ZNF503: variants seen among roughly 807,000 people sequenced by gnomAD.
ZNF503 encodes zinc finger protein 503.
In ZNF503, 15 loss-of-function variants were observed where a neutral mutation model predicts 34.4. That is an observed-to-expected ratio of 0.44 (90% CI 0.29 to 0.67). ZNF503 has a LOEUF of 0.67. Among genes scored for constraint, ZNF503 ranks in the 30% least tolerant of loss-of-function variants. ZNF503 has a pLI of 0.13. For missense variants in ZNF503, 1,007 were observed against 926.8 expected (o/e 1.09, Z -1.12); for synonymous variants, 580 against 456.8 (o/e 1.27, Z -3.44).
At chr10:75,390,048 C>T in the ZNF503 span, among the ~76,000 whole-genome samples, 1 of 151,996 alleles carries the variant, frequency 6.6e-6, no homozygotes, top group Non-Finnish European at 1.5e-5. Flanking sequence ...ACCCCCCCAC[C>T]ACGCCCGGCT....
chr10:75,308,206 T>TTTG, the ZNF503 span, among the ~76,000 whole-genome samples: 1 of 151,750 alleles, frequency 6.6e-6, no homozygotes, highest in African/African-American at 2.4e-5. Flanking sequence ...TTTTTTTTTT[T>TTTG]TTTTTGCCTT....
rs918858464 is a variant in ZNF503 at position 75,401,582 on chromosome 10, C to A, written c.-163G>T. On this transcript the variant is annotated 5_prime_UTR_variant, in exon 1 of 2. Coordinates refer to ENST00000372524, the MANE Select transcript of ZNF503 (RefSeq NM_032772.6). ...CGCCTTCTCGGCGCCTGGAGCCAGACGCGAGTAATCCTGGGTGGCCCGCAG... is the reference window on the plus strand; with the variant it reads ...CGCCTTCTCGGCGCCTGGAGCCAGAAGCGAGTAATCCTGGGTGGCCCGCAG... 1.4e-4 allele frequency: 114 copies of A among 809,564 alleles called. No individual in the cohort carries two copies. In the East Asian group the frequency reaches 3.6e-3, roughly 25 times the overall value. The allele number at this position is 809,564 out of a possible 1,614,324, so 50.1% of individuals were successfully genotyped here.
At position 75,399,964 on chromosome 10, in the gene ZNF503, C is replaced by G. The variant is rs1459176025; in HGVS notation, c.726G>C (p.Leu242=). Residue 242 remains leucine, a synonymous_variant, in exon 2 of 2, where the codon CTG becomes CTC. Coordinates refer to ENST00000372524, the MANE Select transcript of ZNF503 (RefSeq NM_032772.6). ...CCTCCGGGGCACCCCCGGCCGAGGA[C>G]AGCATACCTCCCGGCGAGCAGGCCG... is the stretch of plus-strand genomic sequence containing the variant. ...SASACSPGGM[L]SSAGGAPEGK... is the part of the protein sequence containing the mutation. The G allele has an allele frequency of 6.2e-7, 1 of 1,606,724 alleles. No homozygotes were observed. The highest frequency in any genetic ancestry group is 8.5e-7 in the Non-Finnish European group (1 of 1,179,522).
the ZNF503 span, among the ~76,000 whole-genome samples, chr10:75,377,918 C>T: frequency 6.6e-6 from 1 of 152,090 alleles, no homozygotes; most frequent in African/African-American, 2.4e-5. Context: ...CTGGGGAGGC[C>T]TCAGGAAACT....
At chr10:75,388,996 A>G in the ZNF503 span, among the ~76,000 whole-genome samples, 1 of 152,232 alleles carries the variant, frequency 6.6e-6, no homozygotes, top group Admixed American at 6.5e-5. Context: ...AATTGTCAAA[A>G]AAAGGTTGAG....
the ZNF503 span, among the ~76,000 whole-genome samples, chr10:75,299,639 T>C: frequency 3.7e-3 from 556 of 152,326 alleles, 2 homozygotes; most frequent in Non-Finnish European, 6.6e-3. Context: ...TAGGTTCTTT[T>C]CTATTTTCCC....
chr10:75,295,967 A>G, the ZNF503 span, among the ~76,000 whole-genome samples: 1 of 152,212 alleles, frequency 6.6e-6, no homozygotes, highest in Non-Finnish European at 1.5e-5. This position sits in a 1 kb window ranked among gnomAD's most constrained non-coding sequence, Gnocchi z 4.0. Context: ...GGGCTTGGCT[A>G]TAACTCTACA....
the ZNF503 span, among the ~76,000 whole-genome samples, chr10:75,339,447 G>C: frequency 1.3e-5 from 2 of 152,188 alleles, no homozygotes; most frequent in African/African-American, 4.8e-5. Flanking sequence ...AGATGGGAGA[G>C]CCTCCAAAAC....
chr10:75,401,669 G>C lies in ZNF503; in HGVS notation c.-250C>G. 6.1e-6 allele frequency: 3 copies of C among 494,790 alleles called. No homozygotes were observed. Among genetic ancestry groups the C allele is most frequent in the Non-Finnish European group, 1.0e-5 (3 of 286,506 alleles). The allele number at this position is 494,790 out of a possible 1,614,324, so 30.6% of individuals were successfully genotyped here. A position where few individuals can be genotyped will look rare whatever the true frequency, so the allele number is the denominator to read the frequency against. ...GCGGGAGTGCCGGGCGGCTCGCGGT[G>C]TCCGCCTCGGGCTGCTCCCCTGCGC... On this transcript the variant is annotated 5_prime_UTR_variant, in exon 1 of 2. Coordinates refer to ENST00000372524, the MANE Select transcript of ZNF503 (RefSeq NM_032772.6).
the ZNF503 span, among the ~76,000 whole-genome samples, chr10:75,392,381 T>C: frequency 2.6e-5 from 4 of 152,174 alleles, no homozygotes; most frequent in Non-Finnish European, 5.9e-5. Flanking sequence ...GACCTTTATA[T>C]CTTTACCCTC....
At chr10:75,284,524 C>T in the ZNF503 span, among the ~76,000 whole-genome samples, 2 of 152,112 alleles carry the variant, frequency 1.3e-5, no homozygotes, top group South Asian at 2.1e-4. Flanking sequence ...CTACCCAGGT[C>T]CAGAACCTTC....
chr10:75,396,647 C>T (rs1218544548), downstream of ZNF503, among the ~76,000 whole-genome samples: 2 of 152,110 alleles, frequency 1.3e-5, no homozygotes, highest in East Asian at 1.9e-4. The surrounding 1 kb of genome is among the most constrained non-coding windows in gnomAD (Gnocchi z 4.4). Context: ...GAGGGGATCC[C>T]GAGACTCGGA....
chr10:75,348,946 C>T, the ZNF503 span, among the ~76,000 whole-genome samples: 1 of 152,012 alleles, frequency 6.6e-6, no homozygotes, highest in Non-Finnish European at 1.5e-5. Flanking sequence ...CAGTCGTTAA[C>T]GTTTTGCTAT....
chr10:75,320,311 G>A, the ZNF503 span, among the ~76,000 whole-genome samples: 10 of 150,964 alleles, frequency 6.6e-5, no homozygotes, highest in African/African-American at 1.5e-4. Flanking sequence ...GTGAAACCCC[G>A]TCTCTACTAA....
At chr10:75,311,845 T>C in the ZNF503 span, among the ~76,000 whole-genome samples, 1 of 151,842 alleles carries the variant, frequency 6.6e-6, no homozygotes, top group Non-Finnish European at 1.5e-5. Context: ...ACCATAGAAG[T>C]AGAGGCTTCA....
chr10:75,367,147 A>G, the ZNF503 span, among the ~76,000 whole-genome samples: 1 of 152,218 alleles, frequency 6.6e-6, no homozygotes, highest in African/African-American at 2.4e-5. Context: ...CAAACAGCCC[A>G]GAAAGAATCA....
the ZNF503 span, among the ~76,000 whole-genome samples, chr10:75,347,481 G>A: frequency 3.9e-5 from 6 of 152,204 alleles, no homozygotes; most frequent in East Asian, 1.2e-3. Context: ...ATGGCTCTGA[G>A]GGGTGGCATA....
chr10:75,369,945 T>A, the ZNF503 span, among the ~76,000 whole-genome samples: 1 of 152,092 alleles, frequency 6.6e-6, no homozygotes, highest in Non-Finnish European at 1.5e-5. Context: ...TGTGTGCCTG[T>A]AGTTCCAGCT....
the ZNF503 span, among the ~76,000 whole-genome samples, chr10:75,369,379 G>A: frequency 6.6e-5 from 10 of 152,162 alleles, no homozygotes; most frequent in Admixed American, 3.3e-4. Context: ...GAATCATAGG[G>A]GTGGTTTCCC....
Sources: allele counts gnomAD v4.1 joint callset (sites outside exome capture counted in the v4.1 genomes callset), GRCh38; gene constraint gnomAD v4.1.1; non-coding constraint Gnocchi (gnomAD v3.1); transcripts MANE v1.5; gene names NCBI Gene and HGNC (gene_info 2026-07-23, HGNC 2026-07-21).